Variants in RNF19B observed in about 807,000 individuals in gnomAD.
The protein encoded by RNF19B is ring finger protein 19B, also known as E3 ubiquitin-protein ligase RNF19B.
A neutral mutation model predicts 65.5 loss-of-function variants in RNF19B; 23 were observed. The observed-to-expected ratio is 0.35, with a 90% CI of 0.25 to 0.50. The LOEUF (loss-of-function observed/expected upper bound fraction) is 0.50, where lower values mean the gene tolerates loss of function less well. RNF19B is among the 20% of genes least tolerant of loss of function. RNF19B has a pLI of 0.98. For missense variants in RNF19B, 794 were observed against 980.0 expected, an observed-to-expected ratio of 0.81 and a Z score of 2.53; for synonymous variants, 372 against 379.6, an observed-to-expected ratio of 0.98 and a Z score of 0.23.
downstream of RNF19B, among the ~76,000 whole-genome samples, chr1:32,934,506 C>A (rs1570068264): frequency 3.9e-5 from 6 of 152,176 alleles, no homozygotes; most frequent in Middle Eastern, 3.4e-3. Context: ...AATGGCAAAA[C>A]CCCATCTCTA....
chr1:32,963,980 G>A, intron 1 of RNF19B, 71 bp downstream of exon 1: 1 of 1,367,548 alleles, frequency 7.3e-7, no homozygotes, highest in South Asian at 1.7e-5. Context: ...ACCCACGCGG[G>A]GTCCCTGCTG....
Position 32,964,777 on chromosome 1 carries a change from C to T in RNF19B, c.-92G>A, listed in dbSNP as rs755990537. The T allele has an allele frequency of 1.7e-6, 2 of 1,170,330 alleles. No homozygotes were observed. Among genetic ancestry groups the T allele is most frequent in the East Asian group, 3.6e-5 (1 of 27,850 alleles). The allele number at this position is 1,170,330 out of a possible 1,614,324, so 72.5% of individuals were successfully genotyped here. ...GCCAGCGCCCGGCCGCCGCCGACGCCGCCACCACCGCCTCAACCGCCCTCC... is the reference window on the plus strand; with the variant it reads ...GCCAGCGCCCGGCCGCCGCCGACGCTGCCACCACCGCCTCAACCGCCCTCC... On this transcript the variant is annotated 5_prime_UTR_variant, in exon 1 of 9. Coordinates refer to ENST00000235150, the MANE Select transcript of RNF19B (RefSeq NM_001300826.2). This position sits in a 1 kb window ranked among gnomAD's most constrained non-coding sequence, Gnocchi z 6.5.
downstream of RNF19B, among the ~76,000 whole-genome samples, chr1:32,935,549 C>CT (rs1642083475): frequency 6.6e-6 from 1 of 152,214 alleles, no homozygotes; most frequent in Admixed American, 6.5e-5. Context: ...GGCATACCCC[C>CT]TCCTTTCATT....
At chr1:32,954,103 G>A (rs1039233306) in intron 1 of RNF19B, among the ~76,000 whole-genome samples, 3 of 150,826 alleles carry the variant, frequency 2.0e-5, no homozygotes, top group African/African-American at 7.3e-5. Context: ...TAGAGATGGG[G>A]TTTCACCATG....
chr1:32,945,571 T>C lies in RNF19B; in HGVS notation c.1204A>G (p.Thr402Ala). 1 of 1,614,032 alleles carries C rather than the reference T, an allele frequency of 6.2e-7. No homozygotes were observed. The highest frequency in any genetic ancestry group is 2.2e-5 in the East Asian group (1 of 44,876). The part of the protein sequence containing the change: ...TSKHKRNLAI[T>A]GGVTLSVIAS... ...ATGACCGACAAAGTCACTCCTCCAG[T>C]GATAGCCAAATTCCTCTTGTGTTTG... The change falls in exon 5 of 9, where the codon ACT (threonine) becomes GCT (alanine). Residue 402 changes from threonine (T) to alanine (A), a missense_variant. Transcript: ENST00000235150.
intron 1 of RNF19B, among the ~76,000 whole-genome samples, chr1:32,950,839 C>T (rs1425603376): frequency 6.9e-6 from 1 of 144,864 alleles, no homozygotes; most frequent in Non-Finnish European, 1.5e-5. Context: ...GCTACCTTTT[C>T]ATTCTTTTTT....
intron 1 of RNF19B, among the ~76,000 whole-genome samples, chr1:32,959,615 G>C (rs1441301639): frequency 6.6e-6 from 1 of 152,130 alleles, no homozygotes; most frequent in Non-Finnish European, 1.5e-5. Flanking sequence ...AATTATGTCT[G>C]AATGAGATTA....
At chr1:32,947,079 C>T (rs143347421) in intron 3 of RNF19B, among the ~76,000 whole-genome samples, 1 of 152,302 alleles carries the variant, frequency 6.6e-6, no homozygotes, top group African/African-American at 2.4e-5. Context: ...GCTACTTTTA[C>T]AGTCAGCCCT....
At chr1:32,963,157 C>G (rs145794706) in intron 1 of RNF19B, among the ~76,000 whole-genome samples, 2 of 152,206 alleles carry the variant, frequency 1.3e-5, no homozygotes, top group Non-Finnish European at 2.9e-5. Flanking sequence ...TACCCCTCAC[C>G]CTACCCAAGG....
rs371817016 is a variant in RNF19B, at chr1:32,936,734, A to G, written c.*72T>C. Reference sequence around the variant, plus strand: ...AAATACATAAATCTCTACCCCTTGGAAAAAAAAAAAAAAAAATTCCAAAAG... The same window carrying G: ...AAATACATAAATCTCTACCCCTTGGGAAAAAAAAAAAAAAAATTCCAAAAG... On this transcript the variant is annotated 3_prime_UTR_variant, in exon 9 of 9. Coordinates refer to ENST00000235150, the MANE Select transcript of RNF19B (RefSeq NM_001300826.2). 1.5e-3 allele frequency: 377 copies of G among 246,492 alleles called. No homozygotes were observed. The highest frequency in any genetic ancestry group is 3.2e-3 in the East Asian group (18 of 5,652). 15.3% of individuals were successfully genotyped at this position (246,492 alleles called of 1,614,324 possible).
rs779182218 is a variant in RNF19B at position 32,949,705 on chromosome 1, A to G, written c.705T>C (p.Thr235=). 5.0e-6 allele frequency: 8 copies of G among 1,613,874 alleles called. No homozygotes were observed. The highest frequency in any genetic ancestry group is 6.8e-6 in the Non-Finnish European group (8 of 1,180,022). ...TCTGCTTGCAGTGGTAGCAGAACTC[A>G]GTCTGGCAACCTTCCCTCTCACAAG... ...KLTCEREGCQ[T]EFCYHCKQIW... The change falls in exon 2 of 9, where the codon ACT becomes ACC. Residue 235 remains threonine (T), a synonymous_variant. Coordinates refer to ENST00000235150, the MANE Select transcript of RNF19B (RefSeq NM_001300826.2).
chr1:32,943,083 G>A (rs1642276876), intron 6 of RNF19B, among the ~76,000 whole-genome samples: 1 of 151,364 alleles, frequency 6.6e-6, no homozygotes, highest in Admixed American at 6.6e-5. Context: ...GGAGCCTGCA[G>A]TGAGCCAGGA....
At position 32,964,674 on chromosome 1, in the gene RNF19B, C is replaced by G; in HGVS notation, c.12G>C (p.Glu4Asp). The change falls in exon 1 of 9, where the codon GAG (glutamate) becomes GAC (aspartate). Residue 4 changes from glutamate (E) to aspartate (D), a missense_variant. This residue lies in a region of RNF19B where 374 missense variants were observed against 423.8 expected (regional missense o/e 0.88). Coordinates refer to ENST00000235150, the MANE Select transcript of RNF19B (RefSeq NM_001300826.2). The surrounding 1 kb of genome is among the most constrained non-coding windows in gnomAD (Gnocchi z 6.5). The part of the protein sequence containing the change: MGS[E>D]KDSESPRSTS... ...TGGAGCGCGGCGACTCGGAGTCCTT[C>G]TCGGAGCCCATGGCCGGCAGAGGCC... The G allele has an allele frequency of 1.4e-6, 2 of 1,468,408 alleles. No individual in the cohort carries two copies. The highest frequency in any genetic ancestry group is 1.8e-6 in the Non-Finnish European group (2 of 1,114,002). The allele number at this position is 1,468,408 out of a possible 1,614,324, so 91.0% of individuals were successfully genotyped here. A position where few individuals can be genotyped will look rare whatever the true frequency, so the allele number is the denominator to read the frequency against.
rs544313435 is a variant in RNF19B at position 32,958,640 on chromosome 1, C to T, written c.635+5411G>A. 5.3e-5 allele frequency among the ~76,000 whole-genome samples: 8 copies of T among 151,854 alleles called. No homozygotes were observed. In the South Asian group the frequency reaches 1.2e-3, roughly 24 times the overall value. On this transcript the variant is annotated intron_variant, in intron 1 of 8. Coordinates refer to ENST00000235150, the MANE Select transcript of RNF19B (RefSeq NM_001300826.2). The stretch of plus-strand genomic sequence containing the variant: ...CTGAGGCAGGAGAATAGCATGAACC[C>T]GGGAGGTGGAGCTTGCAGTGAGCCG...
At chr1:32,947,225 G>A (rs148339126) in intron 3 of RNF19B, among the ~76,000 whole-genome samples, 136 of 152,308 alleles carry the variant, frequency 8.9e-4, no homozygotes, top group Middle Eastern at 3.4e-3. Context: ...GTACTCAAAT[G>A]TTCGACAAAT....
intron 7 of RNF19B, among the ~76,000 whole-genome samples, chr1:32,941,422 C>T (rs990593495): frequency 4.6e-5 from 7 of 152,042 alleles, no homozygotes; most frequent in African/African-American, 1.7e-4. Flanking sequence ...CGCCTGTAGT[C>T]CCAGCCTCTT....
In RNF19B at chr1:32,938,465, T is replaced by C; in HGVS notation, c.1674A>G (p.Ala558=). 3 of 1,614,182 alleles carry C rather than the reference T, an allele frequency of 1.9e-6. No individual in the cohort carries two copies. The highest frequency in any genetic ancestry group is 2.5e-6 in the Non-Finnish European group (3 of 1,180,018). ...IFPKDTASLG[A]ISDNASTRAM... is the part of the protein sequence containing the mutation. ...CACGAGTGCTTGCGTTGTCACTAAT[T>C]GCACCAAGACTGGCTGTGTCTTTGG... Residue 558 remains alanine (A), a synonymous_variant, in exon 8 of 9, where the codon GCA becomes GCG. Coordinates refer to ENST00000235150, the MANE Select transcript of RNF19B (RefSeq NM_001300826.2).
intron 1 of RNF19B, among the ~76,000 whole-genome samples, chr1:32,962,522 C>G (rs1642795037): frequency 6.6e-6 from 1 of 152,144 alleles, no homozygotes; most frequent in Non-Finnish European, 1.5e-5. Flanking sequence ...CATTTCTAAA[C>G]AAGTTTGGCA....
At chr1:32,952,232 T>A (rs1234504905) in intron 1 of RNF19B, among the ~76,000 whole-genome samples, 2 of 151,818 alleles carry the variant, frequency 1.3e-5, no homozygotes, top group Non-Finnish European at 2.9e-5. Context: ...TATTAGCCTT[T>A]CTGATTAATT....
Sources: allele counts gnomAD v4.1 joint callset (sites outside exome capture counted in the v4.1 genomes callset), GRCh38; gene constraint gnomAD v4.1.1; regional missense constraint gnomAD v4.1.1; non-coding constraint Gnocchi (gnomAD v3.1); transcripts MANE v1.5; gene names NCBI Gene and HGNC (gene_info 2026-07-23, HGNC 2026-07-21).